COL22A1: variants seen among roughly 807,000 people sequenced by gnomAD.
The protein encoded by COL22A1 is collagen type XXII alpha 1 chain.
In COL22A1, 221 loss-of-function variants were observed where a neutral mutation model predicts 248.9. That is an observed-to-expected ratio of 0.89 (90% CI 0.80 to 0.99). The LOEUF (loss-of-function observed/expected upper bound fraction) is 0.99. Among genes scored for constraint, COL22A1 ranks in the 50% least tolerant of loss-of-function variants. COL22A1 has a pLI of 0.00. For missense variants in COL22A1, 2,240 were observed against 2,179.0 expected (o/e 1.03, Z -0.56); for synonymous variants, 891 against 793.4 (o/e 1.12, Z -2.07).
intron 41 of COL22A1, among the ~76,000 whole-genome samples, chr8:138,664,209 G>GCGCGCACA (rs1440442280): frequency 5.8e-5 from 6 of 103,204 alleles, no homozygotes; most frequent in East Asian, 3.2e-4. Context: ...GCGCGCGCGC[G>GCGCGCACA]CACACACACA....
At chr8:138,689,043 G>A (rs1826601246) in intron 36 of COL22A1, 73 bp from the exon 37 acceptor site, 1 of 1,244,182 alleles carries the variant, frequency 8.0e-7, no homozygotes, top group Admixed American at 1.7e-5. Context: ...GTGACCCCCA[G>A]GGAAGAATCA....
intron 3 of COL22A1, among the ~76,000 whole-genome samples, chr8:138,866,603 C>G (rs918268079): frequency 1.3e-5 from 2 of 152,206 alleles, no homozygotes; most frequent in African/African-American, 4.8e-5. Context: ...TGACCCTAGT[C>G]AATGAGATCA....
chr8:138,799,278 G>A (rs1459984758), intron 11 of COL22A1, among the ~76,000 whole-genome samples: 1 of 152,098 alleles, frequency 6.6e-6, no homozygotes, highest in African/African-American at 2.4e-5. Context: ...TATAATGATT[G>A]CTTGGAAGGC....
chr8:138,819,998 A>C (rs1165832827), intron 7 of COL22A1, among the ~76,000 whole-genome samples: 1 of 152,140 alleles, frequency 6.6e-6, no homozygotes, highest in Non-Finnish European at 1.5e-5. Flanking sequence ...AAGGCTTCCT[A>C]ATTATGTAGT....
At chr8:138,769,473 C>A (rs1834180553) in intron 16 of COL22A1, among the ~76,000 whole-genome samples, 1 of 152,166 alleles carries the variant, frequency 6.6e-6, no homozygotes, top group Non-Finnish European at 1.5e-5. Flanking sequence ...CCTGGCTGCC[C>A]CCACCCAGAC....
intron 22 of COL22A1, among the ~76,000 whole-genome samples, chr8:138,749,740 C>T (rs1054424262): frequency 5.3e-5 from 8 of 152,302 alleles, no homozygotes; most frequent in East Asian, 1.9e-4. Context: ...CACTTCAATC[C>T]CAGGTGCATC....
chr8:138,811,336 C>G (rs1359564556), intron 9 of COL22A1, among the ~76,000 whole-genome samples: 1 of 134,564 alleles, frequency 7.4e-6, no homozygotes, highest in Non-Finnish European at 1.6e-5. Context: ...TATACACACA[C>G]GTACATACAC....
At position 138,589,357 on chromosome 8, in the gene COL22A1, G is replaced by A; in HGVS notation, c.4777C>T (p.Pro1593Ser). ...PQGETGPAGH[P>S]GLPGPPGPPG... is the part of the protein sequence containing the mutation. ...GGACCGGGAGGTCCTGGGAGGCCAG[G>A]ATGTCCAGCTGGTCCTGTCTCCCCT... is the stretch of plus-strand genomic sequence containing the variant. Residue 1593 changes from proline to serine, a missense_variant, in exon 65 of 65, where the codon CCT (proline) becomes TCT (serine). Pro to Ser is a moderately conservative substitution (Grantham distance 74, BLOSUM62 -1). Coordinates refer to ENST00000303045, the MANE Select transcript of COL22A1 (RefSeq NM_152888.3). The A allele has an allele frequency of 6.2e-7, 1 of 1,611,680 alleles. No homozygotes were observed. The highest frequency in any genetic ancestry group is 8.5e-7 in the Non-Finnish European group (1 of 1,178,890).
intron 25 of COL22A1, 70 bp from the exon 26 acceptor site, chr8:138,722,159 T>A: frequency 7.3e-7 from 1 of 1,370,398 alleles, no homozygotes; most frequent in South Asian, 1.4e-5. Context: ...TTAAGTTGTT[T>A]CAAACCAGGA....
chr8:138,811,757 C>G, intron 9 of COL22A1, 42 bp downstream of exon 9: 1 of 1,612,192 alleles, frequency 6.2e-7, no homozygotes, highest in South Asian at 1.1e-5. Flanking sequence ...CACTGCACCA[C>G]CCAGGGTTCT....
At chr8:138,752,968 G>A (rs997835287) in intron 21 of COL22A1, among the ~76,000 whole-genome samples, 1 of 152,232 alleles carries the variant, frequency 6.6e-6, no homozygotes, top group Non-Finnish European at 1.5e-5. Flanking sequence ...GCCTCAGAGA[G>A]CAGCTCATTT....
At chr8:138,652,262 C>A (rs764817750) in intron 45 of COL22A1, among the ~76,000 whole-genome samples, 1 of 152,242 alleles carries the variant, frequency 6.6e-6, no homozygotes, top group Admixed American at 6.5e-5. Flanking sequence ...CTCTGTCCAC[C>A]TGGAATCATG....
chr8:138,699,531 T>C (rs1157376534), intron 32 of COL22A1, among the ~76,000 whole-genome samples: 1 of 152,192 alleles, frequency 6.6e-6, no homozygotes, highest in Non-Finnish European at 1.5e-5. Context: ...TGAAGAGCCA[T>C]TCGTGAAAAG....
At chr8:138,603,367 G>A (rs1818184749) in intron 59 of COL22A1, among the ~76,000 whole-genome samples, 1 of 152,194 alleles carries the variant, frequency 6.6e-6, no homozygotes, top group African/African-American at 2.4e-5. Context: ...AGCCTTGAAA[G>A]TTGGATAAAA....
chr8:138,615,702 G>A (rs552159635), intron 55 of COL22A1, among the ~76,000 whole-genome samples: 10 of 152,168 alleles, frequency 6.6e-5, no homozygotes, highest in East Asian at 5.8e-4. Context: ...AATAATCTGC[G>A]AGAAACTCTG....
chr8:138,890,584 A>C (rs1824991934), intron 1 of COL22A1, among the ~76,000 whole-genome samples: 1 of 152,126 alleles, frequency 6.6e-6, no homozygotes. Flanking sequence ...AGTAGCTGTG[A>C]CTACAGGCAC....
chr8:138,786,775 G>A (rs113695580), intron 12 of COL22A1, among the ~76,000 whole-genome samples: 1 of 152,042 alleles, frequency 6.6e-6, no homozygotes, highest in Admixed American at 6.6e-5. Flanking sequence ...GTGGTGGCAG[G>A]CACCTGTAAT....
At chr8:138,617,681 A>C (rs1039648224) in intron 53 of COL22A1, among the ~76,000 whole-genome samples, 13 of 152,292 alleles carry the variant, frequency 8.5e-5, no homozygotes, top group African/African-American at 2.6e-4. Context: ...TGCAGTATTA[A>C]TCTGTGGAAA....
intron 23 of COL22A1, among the ~76,000 whole-genome samples, chr8:138,728,912 G>A (rs1324906340): frequency 3.3e-5 from 5 of 152,024 alleles, no homozygotes; most frequent in Admixed American, 6.6e-5. Flanking sequence ...GGCATGACTC[G>A]TCCAGGCCAG....
Sources: allele counts gnomAD v4.1 joint callset (sites outside exome capture counted in the v4.1 genomes callset), GRCh38; gene constraint gnomAD v4.1.1; transcripts MANE v1.5; gene names NCBI Gene and HGNC (gene_info 2026-07-23, HGNC 2026-07-21).